Variants in VTI1A observed in about 807,000 individuals in gnomAD.
VTI1A encodes the protein vesicle transport through interaction with t-SNAREs 1A, also known as vesicle transport through interaction with t-SNAREs homolog 1A.
Under a neutral mutation model 34.9 loss-of-function variants are expected in VTI1A, and 22 were observed. That is an observed-to-expected ratio of 0.63 (90% CI 0.45 to 0.90). The LOEUF (loss-of-function observed/expected upper bound fraction) is 0.90, where lower values mean the gene tolerates loss of function less well. Ranked by LOEUF, VTI1A falls within the 40% of genes least tolerant of loss-of-function variation. VTI1A has a pLI of 0.00. For missense variants in VTI1A, 268 were observed against 275.6 expected, an observed-to-expected ratio of 0.97 and a Z score of 0.20; for synonymous variants, 87 against 97.3, an observed-to-expected ratio of 0.89 and a Z score of 0.62.
chr10:112,610,292 A>G (rs574037873), intron 5 of VTI1A, among the ~76,000 whole-genome samples: 15 of 152,172 alleles, frequency 9.9e-5, no homozygotes, highest in East Asian at 1.9e-4. Flanking sequence ...AAAGAAGCCA[A>G]TGATGAGCTG....
chr10:112,731,368 G>A (rs1231181380), intron 7 of VTI1A, among the ~76,000 whole-genome samples: 1 of 152,150 alleles, frequency 6.6e-6, no homozygotes, highest in Non-Finnish European at 1.5e-5. Flanking sequence ...GAGGTCAGGA[G>A]TTAAGACCAG....
At chr10:112,842,816 G>A in the VTI1A span, among the ~76,000 whole-genome samples, 1 of 152,120 alleles carries the variant, frequency 6.6e-6, no homozygotes, top group African/African-American at 2.4e-5. Context: ...TGCCCTTAAG[G>A]TGTTAATGGA....
intron 5 of VTI1A, among the ~76,000 whole-genome samples, chr10:112,646,795 G>C (rs1351139745): frequency 3.3e-5 from 5 of 152,128 alleles, no homozygotes; most frequent in Non-Finnish European, 5.9e-5. Context: ...ACAGGTGTGA[G>C]CCACCGCGCC....
In VTI1A at chr10:112,669,013, G is replaced by A. The variant is rs761887924; in HGVS notation, c.560+15G>A. 1.2e-6 allele frequency: 2 copies of A among 1,610,770 alleles called. No individual in the cohort carries two copies. Among genetic ancestry groups the A allele is most frequent in the East Asian group, 2.2e-5 (1 of 44,804 alleles). On this transcript the variant is annotated intron_variant, in intron 7 of 7. Transcript: ENST00000393077. Reference sequence around the variant, plus strand: ...ATGTTGCGAAGGTAAGAGCAAGGTAGGGACATATCTTTCTCTCTGTGTGTT... The same window carrying A: ...ATGTTGCGAAGGTAAGAGCAAGGTAAGGACATATCTTTCTCTCTGTGTGTT...
chr10:112,839,613 C>T, the VTI1A span, among the ~76,000 whole-genome samples: 1 of 152,164 alleles, frequency 6.6e-6, no homozygotes, highest in Admixed American at 6.5e-5. Flanking sequence ...GGGTTGATCC[C>T]AAGTGCTCCC....
chr10:112,757,382 T>C (rs1374735138), intron 7 of VTI1A, among the ~76,000 whole-genome samples: 2 of 121,816 alleles, frequency 1.6e-5, no homozygotes, highest in Non-Finnish European at 3.1e-5. Context: ...TTTTTTTTTT[T>C]TGGAGACATA....
intron 1 of VTI1A, among the ~76,000 whole-genome samples, chr10:112,453,440 A>G (rs1301239887): frequency 2.0e-5 from 3 of 147,596 alleles, no homozygotes; most frequent in Non-Finnish European, 4.5e-5. Flanking sequence ...AATTACGTGA[A>G]TTATTTGTAA....
intron 5 of VTI1A, among the ~76,000 whole-genome samples, chr10:112,554,184 G>A (rs1851465674): frequency 6.6e-6 from 1 of 152,112 alleles, no homozygotes; most frequent in Non-Finnish European, 1.5e-5. Flanking sequence ...ATTCTGCTGT[G>A]TGTGTTTTTA....
At chr10:112,666,416 C>A (rs542431186) in intron 5 of VTI1A, among the ~76,000 whole-genome samples, 2 of 152,304 alleles carry the variant, frequency 1.3e-5, no homozygotes, top group East Asian at 3.9e-4. Context: ...ACAAATTCTT[C>A]TGTTAACACT....
the VTI1A span, among the ~76,000 whole-genome samples, chr10:112,849,063 C>T: frequency 6.6e-6 from 1 of 152,202 alleles, no homozygotes; most frequent in Non-Finnish European, 1.5e-5. Flanking sequence ...CTTTGGAGGT[C>T]ATGACACCCA....
intron 7 of VTI1A, among the ~76,000 whole-genome samples, chr10:112,683,665 A>C (rs56071602): frequency 3.3e-5 from 5 of 152,286 alleles, no homozygotes; most frequent in Non-Finnish European, 7.4e-5. Flanking sequence ...TAATATTATA[A>C]TCTTAAAGTT....
intron 2 of VTI1A, among the ~76,000 whole-genome samples, chr10:112,462,172 C>T (rs1847749492): frequency 6.6e-6 from 1 of 152,166 alleles, no homozygotes; most frequent in African/African-American, 2.4e-5. Flanking sequence ...TTGATGAGGA[C>T]CTTGGGAGAA....
chr10:112,596,347 A>G (rs1463559796), intron 5 of VTI1A, among the ~76,000 whole-genome samples: 2 of 152,176 alleles, frequency 1.3e-5, no homozygotes, highest in African/African-American at 4.8e-5. Context: ...TTAATATAGT[A>G]TGAAGACTTT....
At chr10:112,538,194 A>G in intron 4 of VTI1A, 52 bp from the exon 5 acceptor site, 1 of 1,537,974 alleles carries the variant, frequency 6.5e-7, no homozygotes. Context: ...GGCAAAAAAA[A>G]GAACATTGTA....
At chr10:112,724,631 G>T (rs188011303) in intron 7 of VTI1A, among the ~76,000 whole-genome samples, 1 of 152,168 alleles carries the variant, frequency 6.6e-6, no homozygotes, top group Non-Finnish European at 1.5e-5. Flanking sequence ...ATTCCCTCAT[G>T]TAATCTGTGT....
chr10:112,828,324 T>C, the VTI1A span, among the ~76,000 whole-genome samples: 3 of 152,214 alleles, frequency 2.0e-5, no homozygotes, highest in Non-Finnish European at 4.4e-5. Context: ...GCGCACGGTA[T>C]GTGGAAGAAC....
At chr10:112,563,171 T>C (rs1222484345) in intron 5 of VTI1A, among the ~76,000 whole-genome samples, 1 of 152,208 alleles carries the variant, frequency 6.6e-6, no homozygotes, top group African/African-American at 2.4e-5. Flanking sequence ...ATTGGCATTA[T>C]CTTCTGTGAC....
intron 5 of VTI1A, among the ~76,000 whole-genome samples, chr10:112,599,262 G>C (rs1158920227): frequency 1.3e-5 from 2 of 152,188 alleles, no homozygotes; most frequent in Non-Finnish European, 2.9e-5. Flanking sequence ...CCCACAAGGA[G>C]GGCCATGATT....
intron 5 of VTI1A, among the ~76,000 whole-genome samples, chr10:112,645,543 A>C (rs1846739645): frequency 6.6e-6 from 1 of 152,182 alleles, no homozygotes; most frequent in African/African-American, 2.4e-5. Flanking sequence ...CATGGTCTTG[A>C]ACTTCCTGCT....
Sources: gnomAD v4.1 joint callset for allele counts (sites outside exome capture counted in the v4.1 genomes callset) on GRCh38, gnomAD v4.1.1 for gene constraint, MANE v1.5 for transcripts, NCBI Gene and HGNC (gene_info 2026-07-23, HGNC 2026-07-21) for gene names.